Variants in FAXC observed in about 807,000 individuals in gnomAD.
The protein encoded by FAXC is failed axon connections homolog.
A neutral mutation model predicts 41.9 loss-of-function variants in FAXC; 10 were observed. The observed-to-expected ratio is 0.24, with a 90% CI of 0.15 to 0.41. The LOEUF is 0.41. Among genes scored for constraint, FAXC ranks in the 10% least tolerant of loss-of-function variants. The pLI is 1.00. For synonymous variants in FAXC, 183 were observed against 183.8 expected (o/e 1.00, Z 0.03); for missense variants, 399 against 510.9 (o/e 0.78, Z 2.11).
intron 5 of FAXC, among the ~76,000 whole-genome samples, chr6:99,286,185 C>T (rs12209739): frequency 0.046 from 7,023 of 152,344 alleles, 196 homozygotes; most frequent in Non-Finnish European, 0.06. Flanking sequence ...GTCATGCAGG[C>T]ATGGAGGACA....
intron 2 of FAXC, among the ~76,000 whole-genome samples, chr6:99,340,396 G>A (rs1053981148): frequency 2.0e-5 from 3 of 151,824 alleles, no homozygotes; most frequent in African/African-American, 2.4e-5. Flanking sequence ...CCACCAGCCT[G>A]GCCTAATATT....
At chr6:99,339,192 A>G (rs1261239158) in intron 2 of FAXC, among the ~76,000 whole-genome samples, 1 of 152,196 alleles carries the variant, frequency 6.6e-6, no homozygotes, top group Non-Finnish European at 1.5e-5. Context: ...CACCCCCTCC[A>G]ACCTCCCAGT....
chr6:99,292,274 G>A (rs928892017), intron 4 of FAXC, among the ~76,000 whole-genome samples: 3 of 152,230 alleles, frequency 2.0e-5, no homozygotes, highest in African/African-American at 7.2e-5. Flanking sequence ...AGAAGCCTAA[G>A]CTCCTTAAGA....
At position 99,324,544 on chromosome 6, in the gene FAXC, C is replaced by T. The variant is rs551843546; in HGVS notation, c.600-877G>A. Among the ~76,000 whole-genome samples the T allele has an allele frequency of 9.8e-5, 15 of 152,316 alleles. No individual in the cohort carries two copies. The South Asian group carries it at 1.4e-3, about 15-fold the overall frequency. ...TGGAACTTGGCTGAATCCTTTTTCC[C>T]GTCTAGGTGATCCTAGTGGTAAACT... On this transcript the variant is annotated intron_variant, in intron 3 of 5. Coordinates refer to ENST00000389677, the MANE Select transcript of FAXC (RefSeq NM_032511.4).
At chr6:99,316,365 G>A (rs1772352249) in intron 4 of FAXC, among the ~76,000 whole-genome samples, 1 of 152,148 alleles carries the variant, frequency 6.6e-6, no homozygotes, top group African/African-American at 2.4e-5. Context: ...TCTTCTACAT[G>A]TGTTAACCTA....
chr6:99,348,594 T>G (rs1257746455), intron 1 of FAXC, among the ~76,000 whole-genome samples: 1 of 152,226 alleles, frequency 6.6e-6, no homozygotes, highest in Admixed American at 6.5e-5. Context: ...GCATCAAAGC[T>G]GCCCACCACT....
At chr6:99,284,598 T>TGTGTGTGTGAGTGA (rs34495212) in intron 5 of FAXC, among the ~76,000 whole-genome samples, 9 of 142,948 alleles carry the variant, frequency 6.3e-5, no homozygotes, top group African/African-American at 2.3e-4. Context: ...TGTGTGTGTG[T>TGTGTGTGTGAGTGA]GATAAGCCTG....
chr6:99,285,750 C>A (rs1391028554), intron 5 of FAXC, among the ~76,000 whole-genome samples: 1 of 152,182 alleles, frequency 6.6e-6, no homozygotes, highest in African/African-American at 2.4e-5. Context: ...CGAATGCCCC[C>A]CTACCCAGAA....
At chr6:99,348,339 A>G (rs1035125310) in intron 1 of FAXC, among the ~76,000 whole-genome samples, 1 of 152,246 alleles carries the variant, frequency 6.6e-6, no homozygotes, top group Admixed American at 6.5e-5. Context: ...TACTCTACCC[A>G]AACAAAAATC....
At chr6:99,324,111 G>T (rs1289125891) in intron 3 of FAXC, among the ~76,000 whole-genome samples, 1 of 151,564 alleles carries the variant, frequency 6.6e-6, no homozygotes, top group African/African-American at 2.4e-5. Context: ...GGTTCCACAG[G>T]TTTATGCTTG....
chr6:99,280,967 G>T lies in FAXC; in HGVS notation c.*197C>A. 3.7e-6 allele frequency: 2 copies of T among 534,832 alleles called. No homozygotes were observed. The highest frequency in any genetic ancestry group is 6.7e-6 in the Non-Finnish European group (2 of 300,074). 33.1% of individuals were successfully genotyped at this position (534,832 alleles called of 1,614,324 possible). A position where few individuals can be genotyped will look rare whatever the true frequency, so the allele number is the denominator to read the frequency against. On this transcript the variant is annotated 3_prime_UTR_variant, in exon 6 of 6. Transcript: ENST00000389677. ...TGCTGACATTATTTTTTGCCTGTTTGTTTTCAATGGAGTCATCTGAATGGT... is the reference window on the plus strand; with the variant it reads ...TGCTGACATTATTTTTTGCCTGTTTTTTTTCAATGGAGTCATCTGAATGGT...
intron 2 of FAXC, among the ~76,000 whole-genome samples, chr6:99,337,374 C>T (rs1309362940): frequency 6.6e-6 from 1 of 152,048 alleles, no homozygotes; most frequent in East Asian, 1.9e-4. Flanking sequence ...TTCTTTCTCT[C>T]ACTTAAAAAG....
At chr6:99,303,441 G>C (rs139146742) in intron 4 of FAXC, among the ~76,000 whole-genome samples, 3 of 152,228 alleles carry the variant, frequency 2.0e-5, no homozygotes, top group Non-Finnish European at 4.4e-5. Flanking sequence ...GGAACTCCAG[G>C]GTCTAGAACT....
At chr6:99,346,303 A>T (rs1773591118) in intron 1 of FAXC, among the ~76,000 whole-genome samples, 1 of 152,108 alleles carries the variant, frequency 6.6e-6, no homozygotes. Flanking sequence ...CAAGAAAGGC[A>T]CCTGATACAG....
Position 99,323,450 on chromosome 6 carries a change from G to A in FAXC, c.817C>T (p.Leu273Phe), listed in dbSNP as rs1772663071. 1.2e-6 allele frequency: 2 copies of A among 1,613,630 alleles called. No homozygotes were observed. The highest frequency in any genetic ancestry group is 2.7e-5 in the African/African-American group (2 of 74,922). ...MEKDMRSLAGLLGDKKYIMGP... is the reference protein window; with the variant it reads ...MEKDMRSLAGFLGDKKYIMGP... Reference sequence around the variant, plus strand: ...AGAAGGTGTGGTACATTACCCAAAAGCCCTGCTAAAGACCGCATGTCCTTC... The same window carrying A: ...AGAAGGTGTGGTACATTACCCAAAAACCCTGCTAAAGACCGCATGTCCTTC... The change falls in exon 4 of 6, where the codon CTT becomes TTT. Residue 273 changes from leucine to phenylalanine, a missense_variant. Transcript: ENST00000389677.
At chr6:99,329,609 A>G (rs1478892162) in intron 3 of FAXC, among the ~76,000 whole-genome samples, 2 of 152,130 alleles carry the variant, frequency 1.3e-5, no homozygotes, top group East Asian at 3.9e-4. Flanking sequence ...CAAGCATTAC[A>G]TCAACTCCCC....
chr6:99,335,744 G>C (rs1773194291), intron 2 of FAXC, among the ~76,000 whole-genome samples: 1 of 152,150 alleles, frequency 6.6e-6, no homozygotes. Context: ...GAGATCTTTT[G>C]TCTCCATGCT....
At chr6:99,298,229 C>CT (rs57836761) in intron 4 of FAXC, among the ~76,000 whole-genome samples, 1,483 of 142,492 alleles carry the variant, frequency 0.01, 22 homozygotes, top group African/African-American at 0.034. Context: ...ACCTGGAAGG[C>CT]TTTTTTTTTT....
chr6:99,290,894 CT>C (rs1185967040), intron 5 of FAXC, among the ~76,000 whole-genome samples: 1 of 151,178 alleles, frequency 6.6e-6, no homozygotes, highest in Non-Finnish European at 1.5e-5. Context: ...TCACTGCAAC[CT>C]CCGCCTCCTG....
Sources: gnomAD v4.1 joint callset for allele counts (sites outside exome capture counted in the v4.1 genomes callset) on GRCh38, gnomAD v4.1.1 for gene constraint, MANE v1.5 for transcripts, NCBI Gene and HGNC (gene_info 2026-07-23, HGNC 2026-07-21) for gene names.